Variants in RBFOX1 observed in about 807,000 individuals in gnomAD.
The protein encoded by RBFOX1 is RNA binding protein fox-1 homolog 1.
RBFOX1 carries 8 observed loss-of-function variants against 57.7 expected under a neutral mutation model. The ratio of observed to expected loss-of-function variants is 0.14; its 90% CI spans 0.08 to 0.25. RBFOX1 has a LOEUF of 0.25. Among genes scored for constraint, RBFOX1 ranks in the 10% least tolerant of loss-of-function variants. The probability of loss-of-function intolerance (pLI) is 1.00; values close to 1 mark genes in which losing one functional copy is unlikely to be tolerated. For synonymous variants in RBFOX1, 326 were observed against 222.4 expected, an observed-to-expected ratio of 1.47 and a Z score of -4.15; for missense variants, 611 against 548.5, an observed-to-expected ratio of 1.11 and a Z score of -1.14.
At chr16:6,869,174 C>T (rs1269263812) in intron 3 of RBFOX1, among the ~76,000 whole-genome samples, 1 of 152,212 alleles carries the variant, frequency 6.6e-6, no homozygotes, top group African/African-American at 2.4e-5. Flanking sequence ...TCTTCTGCTG[C>T]TTTGCACGCT....
At chr16:5,910,322 C>T (rs943609060) in intron 4 of RBFOX1, among the ~76,000 whole-genome samples, 5 of 152,116 alleles carry the variant, frequency 3.3e-5, no homozygotes, top group African/African-American at 1.2e-4. Context: ...CGTTCCCTGC[C>T]TCCATAGCAC....
chr16:5,584,123 C>G (rs1043660268), intron 2 of RBFOX1, among the ~76,000 whole-genome samples: 2 of 152,190 alleles, frequency 1.3e-5, no homozygotes, highest in Admixed American at 1.3e-4. Flanking sequence ...CCTGAGGAAA[C>G]CCTGGGCAGA....
At chr16:7,018,126 G>C (rs1222442335) in intron 3 of RBFOX1, among the ~76,000 whole-genome samples, 1 of 152,044 alleles carries the variant, frequency 6.6e-6, no homozygotes, top group Non-Finnish European at 1.5e-5. Flanking sequence ...TCTTAGGAAG[G>C]GAAGCCCATC....
intron 3 of RBFOX1, among the ~76,000 whole-genome samples, chr16:6,963,818 C>T (rs2083510794): frequency 6.6e-6 from 1 of 151,608 alleles, no homozygotes; most frequent in Non-Finnish European, 1.5e-5. Flanking sequence ...CCTGCCTCAG[C>T]CTCTCGAGTA....
intron 1 of RBFOX1, among the ~76,000 whole-genome samples, chr16:6,021,648 A>G (rs764613930): frequency 6.6e-6 from 1 of 152,172 alleles, no homozygotes; most frequent in Non-Finnish European, 1.5e-5. Flanking sequence ...AAGAAAAGTC[A>G]TCATTCCTCG....
chr16:5,444,795 A>G (rs915862451), intron 1 of RBFOX1, among the ~76,000 whole-genome samples: 1 of 152,194 alleles, frequency 6.6e-6, no homozygotes, highest in Admixed American at 6.5e-5. Flanking sequence ...TGGCCCTGTG[A>G]TGGATGTATT....
intron 1 of RBFOX1, among the ~76,000 whole-genome samples, chr16:5,458,003 CT>C (rs1289544390): frequency 6.6e-6 from 1 of 152,136 alleles, no homozygotes; most frequent in African/African-American, 2.4e-5. Context: ...ATAGCCTCCC[CT>C]CTTTGCTGTC....
intron 1 of RBFOX1, among the ~76,000 whole-genome samples, chr16:5,276,199 T>G (rs1461336292): frequency 2.0e-5 from 3 of 152,116 alleles, no homozygotes; most frequent in Non-Finnish European, 2.9e-5. Context: ...TTAATTAAAC[T>G]AAAAGCCTCC....
At chr16:5,285,675 G>A (rs1033073849) in intron 1 of RBFOX1, among the ~76,000 whole-genome samples, 5 of 152,150 alleles carry the variant, frequency 3.3e-5, no homozygotes, top group Non-Finnish European at 7.4e-5. Flanking sequence ...CTTTGATTCT[G>A]GGTAGGTACA....
At chr16:5,593,233 A>G (rs1210039063) in intron 2 of RBFOX1, among the ~76,000 whole-genome samples, 1 of 152,088 alleles carries the variant, frequency 6.6e-6, no homozygotes, top group Non-Finnish European at 1.5e-5. Context: ...CAGCAAACTA[A>G]CACAGGAACA....
At chr16:6,789,087 A>G (rs1377731779) in intron 3 of RBFOX1, among the ~76,000 whole-genome samples, 2 of 152,136 alleles carry the variant, frequency 1.3e-5, no homozygotes, top group African/African-American at 4.8e-5. Flanking sequence ...CAGGGAAGCT[A>G]TTAAACAGCC....
chr16:7,372,476 A>G lies in RBFOX1; in HGVS notation c.28-145671A>G, dbSNP rs377129458. 2.0e-5 allele frequency among the ~76,000 whole-genome samples: 3 copies of G among 152,132 alleles called. No individual in the cohort carries two copies. The East Asian group carries it at 5.8e-4, about 30-fold the overall frequency. ...GACAAGTTAGAGTGTAAGCTCATTG[A>G]AGCCTGTGGCCATGTACAGAAAGAG... On this transcript the variant is annotated intron_variant, in intron 4 of 15. Transcript: ENST00000550418.
At chr16:6,521,700 AAAC>A (rs750734269) in intron 2 of RBFOX1, among the ~76,000 whole-genome samples, 11 of 152,300 alleles carry the variant, frequency 7.2e-5, no homozygotes, top group South Asian at 2.1e-4. Flanking sequence ...GATAGCCAGA[AAAC>A]AACAACAAGA....
At chr16:5,384,425 C>G (rs2066206188) in intron 1 of RBFOX1, among the ~76,000 whole-genome samples, 1 of 152,150 alleles carries the variant, frequency 6.6e-6, no homozygotes, top group South Asian at 2.1e-4. Flanking sequence ...CTAACTTCAC[C>G]TTGGACAGAA....
intron 1 of RBFOX1, among the ~76,000 whole-genome samples, chr16:5,265,760 A>G (rs1231258766): frequency 1.5e-4 from 23 of 152,116 alleles, no homozygotes; most frequent in Non-Finnish European, 2.9e-5. Flanking sequence ...ACAAATAGGT[A>G]CCTCTCTGGA....
At chr16:7,481,302 A>T (rs1308393377) in intron 4 of RBFOX1, among the ~76,000 whole-genome samples, 1 of 152,210 alleles carries the variant, frequency 6.6e-6, no homozygotes, top group African/African-American at 2.4e-5. Flanking sequence ...AAATCGCATT[A>T]TCTATATAAT....
At chr16:6,998,416 A>C (rs968764872) in intron 3 of RBFOX1, among the ~76,000 whole-genome samples, 2 of 152,178 alleles carry the variant, frequency 1.3e-5, no homozygotes, top group Non-Finnish European at 2.9e-5. Context: ...AAATGAAGCC[A>C]GTGAGACACA....
chr16:5,679,020 C>T (rs751819980), intron 3 of RBFOX1, among the ~76,000 whole-genome samples: 19 of 152,322 alleles, frequency 1.2e-4, no homozygotes, highest in Non-Finnish European at 1.9e-4. Context: ...GATAATTGAA[C>T]TGTTAGCTGA....
intron 1 of RBFOX1, among the ~76,000 whole-genome samples, chr16:5,315,071 G>C (rs1378290284): frequency 1.3e-5 from 2 of 152,146 alleles, no homozygotes; most frequent in Non-Finnish European, 2.9e-5. Context: ...ATCTGCCTTG[G>C]AAATTTATTT....
Sources: gnomAD v4.1 joint callset for allele counts (sites outside exome capture counted in the v4.1 genomes callset) on GRCh38, gnomAD v4.1.1 for gene constraint, MANE v1.5 for transcripts, NCBI Gene and HGNC (gene_info 2026-07-23, HGNC 2026-07-21) for gene names.